The following NRP1 variants were observed in gnomAD, a reference collection of about 807,000 sequenced individuals.
NRP1 encodes neuropilin 1.
Under a neutral mutation model 106.7 loss-of-function variants are expected in NRP1, and 35 were observed. The observed-to-expected ratio is 0.33, with a 90% confidence interval of 0.25 to 0.43. The LOEUF (loss-of-function observed/expected upper bound fraction) is 0.43. Ranked by LOEUF, NRP1 falls within the 20% of genes least tolerant of loss-of-function variation. The pLI, the probability that NRP1 is intolerant of heterozygous loss-of-function variation, is 1.00. For synonymous variants in NRP1, 437 were observed against 417.9 expected (o/e 1.05, Z -0.56); for missense variants, 1,024 against 1,170.4 (o/e 0.87, Z 1.83).
At chr10:33,221,629 C>T (rs1839245571) in intron 8 of NRP1, 90 bp downstream of exon 8, 2 of 1,344,016 alleles carry the variant, frequency 1.5e-6, no homozygotes, top group Non-Finnish European at 2.1e-6. Flanking sequence ...CATTTACAAA[C>T]TTATTTACCC....
At chr10:33,224,022 A>T (rs535734450) in intron 7 of NRP1, among the ~76,000 whole-genome samples, 1 of 152,264 alleles carries the variant, frequency 6.6e-6, no homozygotes, top group East Asian at 1.9e-4. Context: ...TGGTGGTCGA[A>T]AGCTGCACTC....
chr10:33,184,231 G>A (rs1835868018), intron 15 of NRP1, among the ~76,000 whole-genome samples: 1 of 152,100 alleles, frequency 6.6e-6, no homozygotes, highest in African/African-American at 2.4e-5. Flanking sequence ...GGCCAGGCTG[G>A]TCCTAAACTC....
intron 4 of NRP1, among the ~76,000 whole-genome samples, chr10:33,258,593 C>G (rs571998399): frequency 2.6e-5 from 4 of 152,304 alleles, no homozygotes; most frequent in Non-Finnish European, 5.9e-5. Context: ...TATTCGACTT[C>G]TCAGTTGGCA....
chr10:33,301,895 T>C (rs1259589914), intron 2 of NRP1, among the ~76,000 whole-genome samples: 6 of 152,208 alleles, frequency 3.9e-5, no homozygotes, highest in African/African-American at 9.6e-5. Context: ...TTTATAAACA[T>C]TGCTTATTTT....
intron 2 of NRP1, among the ~76,000 whole-genome samples, chr10:33,282,961 A>T (rs750591614): frequency 2.0e-5 from 3 of 152,038 alleles, no homozygotes; most frequent in Non-Finnish European, 2.9e-5. Flanking sequence ...GGCCAGGCTG[A>T]TCTTGAACTC....
intron 2 of NRP1, among the ~76,000 whole-genome samples, chr10:33,325,277 G>A (rs1847807158): frequency 6.6e-6 from 1 of 152,152 alleles, no homozygotes; most frequent in Admixed American, 6.5e-5. Context: ...TTTTGTTTTA[G>A]TCTAAGTGAT....
rs566474193 is a variant in NRP1, at chr10:33,295,066, C to A, written c.249-24210G>T. ...TTTTGTGATTATCTTCTAAAAATGG[C>A]AGTTATACCCATTGTGGAGCACCTA... is the stretch of plus-strand genomic sequence containing the variant. On this transcript the variant is annotated intron_variant, in intron 2 of 16. Transcript: ENST00000374867. Among the ~76,000 whole-genome samples the A allele has an allele frequency of 7.2e-5, 11 of 152,286 alleles. No individual in the cohort carries two copies. In the South Asian group the frequency reaches 2.1e-3, roughly 29 times the overall value.
At chr10:33,213,875 A>C in intron 8 of NRP1, 158 bp from the exon 9 acceptor site, 1 of 638,960 alleles carries the variant, frequency 1.6e-6, no homozygotes, top group East Asian at 2.8e-5. Context: ...TTCCTCCCTC[A>C]AACCTTCCTC....
rs534993819 is a variant in NRP1 at position 33,285,399 on chromosome 10, A to T, written c.249-14543T>A. 1.6e-4 allele frequency among the ~76,000 whole-genome samples: 25 copies of T among 152,336 alleles called. 1 individual carries two copies. In the South Asian group the frequency reaches 5.0e-3, roughly 30 times the overall value. On this transcript the variant is annotated intron_variant, in intron 2 of 16. Coordinates refer to ENST00000374867, the MANE Select transcript of NRP1 (RefSeq NM_003873.7). ...ATTTCAGATCCAGTTATAATAGAAGAATTAGAACTTACCACAATATTCTGA... is the reference window on the plus strand; with the variant it reads ...ATTTCAGATCCAGTTATAATAGAAGTATTAGAACTTACCACAATATTCTGA...
chr10:33,221,972 A>G lies in NRP1; in HGVS notation c.1138-109T>C, dbSNP rs923982667. On this transcript the variant is annotated intron_variant, in intron 7 of 16. Transcript: ENST00000374867. Reference sequence around the variant, plus strand: ...ATTATTTACAATTTCAGTGTTGTCGATCAAGGATGAGATGGCGTTAATAAC... The same window carrying G: ...ATTATTTACAATTTCAGTGTTGTCGGTCAAGGATGAGATGGCGTTAATAAC... The G allele has an allele frequency of 1.2e-5, 15 of 1,219,584 alleles. No homozygotes were observed. In the Admixed American group the frequency reaches 1.4e-4, roughly 11 times the overall value. 75.5% of individuals were successfully genotyped at this position (1,219,584 alleles called of 1,614,324 possible).
chr10:33,268,130 T>C (rs1843046397), intron 3 of NRP1, among the ~76,000 whole-genome samples: 1 of 152,230 alleles, frequency 6.6e-6, no homozygotes, highest in South Asian at 2.1e-4. Flanking sequence ...AAAACATTCA[T>C]GACCTGTGCT....
In NRP1 at chr10:33,294,510, C is replaced by T. The variant is rs188484775; in HGVS notation, c.249-23654G>A. On this transcript the variant is annotated intron_variant, in intron 2 of 16. Transcript: ENST00000374867. ...GCACACGCCTGTAATCCCAGCTACT[C>T]GGGAGGCTGAGGCAGGAGAATCACT... Among the ~76,000 whole-genome samples, 117 of 150,466 alleles carry T rather than the reference C, an allele frequency of 7.8e-4. 1 individual carries two copies. In the Middle Eastern group the frequency reaches 0.021, roughly 27 times the overall value.
intron 2 of NRP1, among the ~76,000 whole-genome samples, chr10:33,294,696 G>A (rs1316662961): frequency 6.6e-6 from 1 of 151,724 alleles, no homozygotes; most frequent in African/African-American, 2.4e-5. Context: ...GTATCTCAAA[G>A]TTAATGAGGA....
intron 2 of NRP1, among the ~76,000 whole-genome samples, chr10:33,289,131 A>C (rs1844797156): frequency 1.3e-5 from 2 of 152,236 alleles, no homozygotes; most frequent in South Asian, 4.1e-4. Context: ...TAAATCGTTT[A>C]GGAACTAGCT....
At chr10:33,203,845 A>G (rs931087829) in intron 10 of NRP1, among the ~76,000 whole-genome samples, 3 of 111,048 alleles carry the variant, frequency 2.7e-5, no homozygotes, top group Non-Finnish European at 5.5e-5. Flanking sequence ...GGTTCACGCC[A>G]TTCTCCTGCC....
At chr10:33,211,082 T>C (rs1168587569) in intron 9 of NRP1, among the ~76,000 whole-genome samples, 1 of 152,220 alleles carries the variant, frequency 6.6e-6, no homozygotes, top group Admixed American at 6.5e-5. Flanking sequence ...TCATCCAATC[T>C]TGAATTGAGT....
intron 2 of NRP1, among the ~76,000 whole-genome samples, chr10:33,279,352 A>C (rs542248018): frequency 7.2e-5 from 11 of 152,200 alleles, no homozygotes; most frequent in Non-Finnish European, 1.3e-4. Flanking sequence ...CTGGAAGCTC[A>C]CACCACTGGC....
chr10:33,188,152 T>C (rs1485534785), intron 13 of NRP1, among the ~76,000 whole-genome samples: 1 of 152,002 alleles, frequency 6.6e-6, no homozygotes, highest in Non-Finnish European at 1.5e-5. Flanking sequence ...TCCACCACGA[T>C]GGGAAAAAAA....
chr10:33,282,128 G>GT (rs5784329), intron 2 of NRP1, among the ~76,000 whole-genome samples: 88,876 of 149,304 alleles, frequency 0.6, 26,827 homozygotes, highest in East Asian at 0.82. Flanking sequence ...ACCATAGTAT[G>GT]TTTTTTTTTT....
Sources: gnomAD v4.1 joint callset for allele counts (sites outside exome capture counted in the v4.1 genomes callset) on GRCh38, gnomAD v4.1.1 for gene constraint, MANE v1.5 for transcripts, NCBI Gene and HGNC (gene_info 2026-07-23, HGNC 2026-07-21) for gene names.